MGAM: variants seen among roughly 807,000 people sequenced by gnomAD.
MGAM encodes the protein maltase-glucoamylase, also known as alpha-1,4-glucosidase.
In MGAM, 253 loss-of-function variants were observed where a neutral mutation model predicts 358.8. That is an observed-to-expected ratio of 0.71 (90% CI 0.64 to 0.78). The LOEUF (loss-of-function observed/expected upper bound fraction) is 0.78, where lower values mean the gene tolerates loss of function less well. Among genes scored for constraint, MGAM ranks in the 30% least tolerant of loss-of-function variants. The probability of loss-of-function intolerance (pLI) is 0.00; values close to 1 mark genes in which losing one functional copy is unlikely to be tolerated. For synonymous variants in MGAM, 1,105 were observed against 1,227.1 expected, an observed-to-expected ratio of 0.90 and a Z score of 2.08; for missense variants, 3,080 against 3,432.6, an observed-to-expected ratio of 0.90 and a Z score of 2.57.
Position 142,064,403 on chromosome 7 carries a change from G to T in MGAM, c.4365G>T (p.Arg1455Ser), listed in dbSNP as rs774321991. 1.9e-6 allele frequency: 3 copies of T among 1,608,522 alleles called. No homozygotes were observed. The Admixed American group carries it at 5.1e-5, about 27-fold the overall frequency. The stretch of plus-strand genomic sequence containing the variant: ...CCTCAGATTTGGAGTCCAGGGACAG[G>T]GGCCTGAGCAGCAAGACCCTTTGTA... Reference protein sequence around the residue: ...PYMPHLESRDRGLSSKTLCME... With the variant: ...PYMPHLESRDSGLSSKTLCME... The change falls in exon 37 of 71, where the codon AGG (arginine) becomes AGT (serine). Residue 1455 changes from arginine (R) to serine (S), a missense_variant. Around this residue, in one of 5 missense-constraint regions of MGAM, gnomAD observed 1,816 missense variants for 1,840.5 expected, o/e 0.99. Coordinates refer to ENST00000475668, the MANE Select transcript of MGAM (RefSeq NM_001365693.1).
At chr7:142,088,992 GTATGTATCTATC>G (rs1285469690) in intron 57 of MGAM, among the ~76,000 whole-genome samples, 11 of 64,412 alleles carry the variant, frequency 1.7e-4, no homozygotes, top group Middle Eastern at 7.6e-3. Flanking sequence ...ATGTATGTAT[GTATGTATCTATC>G]TATCTATCTA....
rs1384833413 is a variant in MGAM at position 142,078,407 on chromosome 7, C to T, written c.5583C>T (p.Asp1861=). 11 of 1,537,974 alleles carry T rather than the reference C, an allele frequency of 7.2e-6. 1 individual carries two copies. Among genetic ancestry groups the T allele is most frequent in the Non-Finnish European group, 9.8e-6 (11 of 1,122,548 alleles). The change falls in exon 48 of 71, where the codon GAC becomes GAT. Residue 1861 remains aspartate (D), a synonymous_variant. Transcript: ENST00000475668. Reference sequence around the variant, plus strand: ...AGATAAGGGATGAAGAAAAAATAGACTGTTACCCTGATGAGAATGGTGATT... The same window carrying T: ...AGATAAGGGATGAAGAAAAAATAGATTGTTACCCTGATGAGAATGGTGATT... ...SIKIRDEEKI[D]CYPDENGDSA... is the part of the protein sequence containing the mutation.
intron 21 of MGAM, among the ~76,000 whole-genome samples, chr7:142,042,026 TTATATTATATACATATAATATATA>T (rs1808811889): frequency 4.5e-5 from 1 of 22,096 alleles, no homozygotes; most frequent in African/African-American, 3.3e-4. Context: ...TATATATATA[TTATATTATATACATATAATATATA>T]ATATATATAC....
At position 142,082,405 on chromosome 7, in the gene MGAM, T is replaced by C. The variant is rs1814391019; in HGVS notation, c.6172-70T>C. The C allele has an allele frequency of 6.0e-6, 8 of 1,325,548 alleles. 1 individual carries two copies. Among genetic ancestry groups the C allele is most frequent in the Non-Finnish European group, 2.1e-6 (2 of 951,808 alleles). 82.1% of individuals were successfully genotyped at this position (1,325,548 alleles called of 1,614,324 possible). A position where few individuals can be genotyped will look rare whatever the true frequency, so the allele number is the denominator to read the frequency against. On this transcript the variant is annotated intron_variant, in intron 51 of 70. Coordinates refer to ENST00000475668, the MANE Select transcript of MGAM (RefSeq NM_001365693.1). ...AACTAGACCCATCTTAGCAAGCATA[T>C]TTTTGTTGAGTTTCTTTCTCAGGCA...
chr7:141,988,341 T>C (rs1554446626), intron 2 of MGAM, among the ~76,000 whole-genome samples: 1 of 150,454 alleles, frequency 6.6e-6, no homozygotes, highest in Non-Finnish European at 1.5e-5. Context: ...AACTGCAAAG[T>C]GTCACACAAT....
At chr7:142,032,517 C>T (rs958358650) in intron 13 of MGAM, among the ~76,000 whole-genome samples, 5 of 151,724 alleles carry the variant, frequency 3.3e-5, no homozygotes, top group Non-Finnish European at 5.9e-5. Context: ...AGTTATATTT[C>T]GATATATGGA....
rs1554460346 is a variant in MGAM at position 142,025,053 on chromosome 7, G to A, written c.886G>A (p.Gly296Arg). ...FNRDTTPNGN[G>R]TNLYGAQTFF... is the part of the protein sequence containing the mutation. ...GTTTTTAATTCTCTTTCTGCAGAAC[G>A]GAACTAATTTGTATGGTGCGCAGAC... Residue 296 changes from glycine to arginine, a missense_variant, in exon 8 of 71, where the codon GGA becomes AGA. This residue lies in a region of MGAM where 1,816 missense variants were observed against 1,840.5 expected (regional missense o/e 0.99). Transcript: ENST00000475668. 15 of 1,612,282 alleles carry A rather than the reference G, an allele frequency of 9.3e-6. No individual in the cohort carries two copies. Among genetic ancestry groups the A allele is most frequent in the Middle Eastern group, 1.6e-4 (1 of 6,078 alleles).
At position 142,080,924 on chromosome 7, in the gene MGAM, G is replaced by A. The variant is rs560080112; in HGVS notation, c.5981G>A (p.Arg1994Gln). 1.6e-5 allele frequency: 25 copies of A among 1,555,402 alleles called. 3 individuals are homozygous for A. Among genetic ancestry groups the A allele is most frequent in the East Asian group, 9.1e-5 (4 of 43,906 alleles). Residue 1994 changes from arginine to glutamine, a missense_variant, in exon 50 of 71, where the codon CGG becomes CAG. Coordinates refer to ENST00000475668, the MANE Select transcript of MGAM (RefSeq NM_001365693.1). ...KKNPFGIEIR[R>Q]KSTGTIIWDS... Reference sequence around the variant, plus strand: ...AATCCATTTGGGATTGAAATTCGCCGGAAGAGTACAGGCACTATAATGTGA... The same window carrying A: ...AATCCATTTGGGATTGAAATTCGCCAGAAGAGTACAGGCACTATAATGTGA...
At chr7:141,994,466 C>T (rs1363493174), upstream of MGAM, among the ~76,000 whole-genome samples, 1 of 152,178 alleles carries the variant, frequency 6.6e-6, no homozygotes, top group Non-Finnish European at 1.5e-5. Flanking sequence ...TGTCTTTGTG[C>T]AACTGAGTCA....
chr7:142,034,886 C>T (rs1554465309), intron 16 of MGAM, 45 bp downstream of exon 16: 1 of 1,563,016 alleles, frequency 6.4e-7, no homozygotes, highest in South Asian at 1.2e-5. Context: ...AATTCCCAGG[C>T]AACCTCATTC....
chr7:142,047,862 G>C lies in MGAM; in HGVS notation c.2576G>C (p.Gly859Ala), dbSNP rs367922659. Residue 859 changes from glycine to alanine, a missense_variant, in exon 22 of 71, where the codon GGG (glycine) becomes GCG (alanine). Physicochemically the swap from Gly to Ala is moderately conservative, Grantham distance 60. This residue lies in a region of MGAM where 1,816 missense variants were observed against 1,840.5 expected (regional missense o/e 0.99). Coordinates refer to ENST00000475668, the MANE Select transcript of MGAM (RefSeq NM_001365693.1). ...EAKGELFWDN[G>A]ETKDTVANKV... Reference sequence around the variant, plus strand: ...AAAGGAGAACTTTTCTGGGATAATGGGGAAACGAAGGGTGAGCACTTATAC... The same window carrying C: ...AAAGGAGAACTTTTCTGGGATAATGCGGAAACGAAGGGTGAGCACTTATAC... 2.5e-6 allele frequency: 4 copies of C among 1,602,108 alleles called. No homozygotes were observed. In the African/African-American group the frequency reaches 5.4e-5, roughly 21 times the overall value.
Position 142,056,083 on chromosome 7 carries a change from C to T in MGAM, c.3567C>T (p.Asn1189=), listed in dbSNP as rs757415781. Residue 1189 remains asparagine, a synonymous_variant, in exon 29 of 71, where the codon AAC becomes AAT. Coordinates refer to ENST00000475668, the MANE Select transcript of MGAM (RefSeq NM_001365693.1). ...GTGCCCATGGAGTGCTCCTGCTGAACAGCAATGCCATGGGTAAGGCCATCA... is the reference window on the plus strand; with the variant it reads ...GTGCCCATGGAGTGCTCCTGCTGAATAGCAATGCCATGGGTAAGGCCATCA... ...DGSAHGVLLL[N]SNAMDVTFQP... The T allele has an allele frequency of 1.6e-5, 25 of 1,607,056 alleles. No individual in the cohort carries two copies. In the African/African-American group the frequency reaches 1.7e-4, roughly 11 times the overall value.
chr7:142,037,676 T>C (rs975625715), intron 18 of MGAM, among the ~76,000 whole-genome samples: 1 of 152,208 alleles, frequency 6.6e-6, no homozygotes, highest in African/African-American at 2.4e-5. Context: ...TGTTAAATTA[T>C]CTGATATTTT....
rs1418736517 is a variant in MGAM at position 142,043,043 on chromosome 7, TATA to T, written c.2498+2201_2498+2203del. On this transcript the variant is annotated intron_variant, in intron 21 of 70. Coordinates refer to ENST00000475668, the MANE Select transcript of MGAM (RefSeq NM_001365693.1). ...ATAAAATATAAACATAATATCTAAA[TATA>T]ATATCTATATTATATATACATATAA... is the stretch of plus-strand genomic sequence containing the variant. Among the ~76,000 whole-genome samples, 16 of 93,002 alleles carry T rather than the reference TATA, an allele frequency of 1.7e-4. 1 individual carries two copies. The highest frequency in any genetic ancestry group is 3.2e-4 in the East Asian group (1 of 3,156). 61.0% of individuals were successfully genotyped at this position (93,002 alleles called of 152,430 possible). A position where few individuals can be genotyped will look rare whatever the true frequency, so the allele number is the denominator to read the frequency against.
In MGAM at chr7:142,019,330, G is replaced by A. The variant is rs540337133; in HGVS notation, c.448+11G>A. On this transcript the variant is annotated intron_variant, in intron 4 of 70. Transcript: ENST00000475668. ...TCAACACAAATGCAGGTAAGCCAGAGTCTGCCATGATGCAGGAGGTCCAGA... is the reference window on the plus strand; with the variant it reads ...TCAACACAAATGCAGGTAAGCCAGAATCTGCCATGATGCAGGAGGTCCAGA... 1 of 1,611,052 alleles carries A rather than the reference G, an allele frequency of 6.2e-7. No homozygotes were observed. The highest frequency in any genetic ancestry group is 8.5e-7 in the Non-Finnish European group (1 of 1,179,358).
Position 142,099,702 on chromosome 7 carries a change from G to T in MGAM, c.7839G>T (p.Leu2613=). ...TTCATGTCCGTGGGGGCTACATCCT[G>T]CCCTGGCAAGAGCCTGCACTGAACA... ...INLHVRGGYI[L]PWQEPALNTH... The change falls in exon 67 of 71, where the codon CTG becomes CTT. Residue 2613 remains leucine, a synonymous_variant. Coordinates refer to ENST00000475668, the MANE Select transcript of MGAM (RefSeq NM_001365693.1). 1 of 1,613,984 alleles carries T rather than the reference G, an allele frequency of 6.2e-7. No individual in the cohort carries two copies. The highest frequency in any genetic ancestry group is 8.5e-7 in the Non-Finnish European group (1 of 1,179,878).
intron 34 of MGAM, 104 bp downstream of exon 34, chr7:142,060,477 G>C: frequency 1.5e-6 from 2 of 1,370,258 alleles, no homozygotes; most frequent in Non-Finnish European, 2.1e-6. Context: ...GGCTTGGCAA[G>C]GGAGAAACAC....
chr7:142,094,819 G>A lies in MGAM; in HGVS notation c.7414G>A (p.Ala2472Thr). 2 of 1,613,922 alleles carry A rather than the reference G, an allele frequency of 1.2e-6. No homozygotes were observed. Among genetic ancestry groups the A allele is most frequent in the African/African-American group, 2.7e-5 (2 of 75,012 alleles). The stretch of plus-strand genomic sequence containing the variant: ...GTGTGTTCGCTGGATGCAGCTGGGG[G>A]CCTTTTACCCCTTCTCAAGAAACCA... ...EMCVRWMQLG[A>T]FYPFSRNHNT... The change falls in exon 63 of 71, where the codon GCC (alanine) becomes ACC (threonine). Residue 2472 changes from alanine (A) to threonine (T), a missense_variant. Coordinates refer to ENST00000475668, the MANE Select transcript of MGAM (RefSeq NM_001365693.1).
At chr7:142,091,416 A>C (rs58122691) in intron 57 of MGAM, among the ~76,000 whole-genome samples, 15,839 of 145,982 alleles carry the variant, frequency 0.11, 3,036 homozygotes, top group African/African-American at 0.35. Context: ...GTGATTCTGA[A>C]ATTGTAGAAA....
Sources: allele counts gnomAD v4.1 joint callset (sites outside exome capture counted in the v4.1 genomes callset), GRCh38; gene constraint gnomAD v4.1.1; regional missense constraint gnomAD v4.1.1; transcripts MANE v1.5; gene names NCBI Gene and HGNC (gene_info 2026-07-23, HGNC 2026-07-21).